The following PTPRE variants were observed in gnomAD, a reference collection of about 807,000 sequenced individuals.
PTPRE encodes the protein protein tyrosine phosphatase receptor type E, also known as receptor-type tyrosine-protein phosphatase epsilon.
A neutral mutation model predicts 102.0 loss-of-function variants in PTPRE; 51 were observed. The observed-to-expected ratio is 0.50, with a 90% CI of 0.40 to 0.63. The LOEUF is 0.63. Among genes scored for constraint, PTPRE ranks in the 30% least tolerant of loss-of-function variants. The pLI, the probability that PTPRE is intolerant of heterozygous loss-of-function variation, is 0.00. For synonymous variants in PTPRE, 345 were observed against 348.2 expected (o/e 0.99, Z 0.10); for missense variants, 752 against 915.1 (o/e 0.82, Z 2.30).
intron 17 of PTPRE, 24 bp from the exon 18 acceptor site, chr10:128,076,579 T>C: frequency 6.4e-7 from 1 of 1,555,952 alleles, no homozygotes; most frequent in Middle Eastern, 1.7e-4. Flanking sequence ...TTACAAGACT[T>C]AAATTTTTAT....
At chr10:128,045,504 T>C (rs1008963838) in intron 3 of PTPRE, among the ~76,000 whole-genome samples, 7 of 152,274 alleles carry the variant, frequency 4.6e-5, no homozygotes, top group Non-Finnish European at 8.8e-5. Context: ...AGGGCAGATG[T>C]ACCTGGGTAC....
chr10:127,918,619 TG>T (rs1273727665), intron 1 of PTPRE, among the ~76,000 whole-genome samples: 3 of 151,370 alleles, frequency 2.0e-5, no homozygotes, highest in Admixed American at 6.6e-5. Flanking sequence ...TGAAGGAGCT[TG>T]GGGAAAAGGC....
At position 128,062,276 on chromosome 10, in the gene PTPRE, T is replaced by C. The variant is rs1327419150; in HGVS notation, c.625+561T>C. Reference sequence around the variant, plus strand: ...CTTAGGCCAGGAGTCTTTAGGGCAATGAGCTCTGAAAGTCAGCGTCCATCA... The same window carrying C: ...CTTAGGCCAGGAGTCTTTAGGGCAACGAGCTCTGAAAGTCAGCGTCCATCA... On this transcript the variant is annotated intron_variant, in intron 9 of 20. Coordinates refer to ENST00000254667, the MANE Select transcript of PTPRE (RefSeq NM_006504.6). 2.0e-5 allele frequency among the ~76,000 whole-genome samples: 3 copies of C among 152,302 alleles called. No individual in the cohort carries two copies. In the East Asian group the frequency reaches 5.8e-4, roughly 29 times the overall value.
rs1845609300 is a variant in PTPRE, at chr10:127,907,997, GACC to G, written c.-31+690_-31+692del. Among the ~76,000 whole-genome samples the G allele has an allele frequency of 6.6e-6, 1 of 152,212 alleles. No individual in the cohort carries two copies. Among genetic ancestry groups the G allele is most frequent in the Non-Finnish European group, 1.5e-5 (1 of 68,046 alleles). On this transcript the variant is annotated intron_variant, in intron 1 of 20. Coordinates refer to ENST00000254667, the MANE Select transcript of PTPRE (RefSeq NM_006504.6). This position sits in a 1 kb window ranked among gnomAD's most constrained non-coding sequence, Gnocchi z 4.8. Reference sequence around the variant, plus strand: ...CGGTGCCAATTCTGAGAGCTCCCGGGACCATCTGGGGAAGGCCGGGCAACCCAC... The same window carrying G: ...CGGTGCCAATTCTGAGAGCTCCCGGGATCTGGGGAAGGCCGGGCAACCCAC...
intron 17 of PTPRE, among the ~76,000 whole-genome samples, chr10:128,074,251 A>G (rs1386944038): frequency 6.6e-6 from 1 of 152,268 alleles, no homozygotes; most frequent in African/African-American, 2.4e-5. Context: ...TGTAGCATGA[A>G]TCAGTAAATC....
rs1158123830 is a variant in PTPRE, at chr10:127,907,423, T to G, written c.-31+114T>G. The G allele has an allele frequency of 1.3e-6, 1 of 782,900 alleles. No individual in the cohort carries two copies. The highest frequency in any genetic ancestry group is 1.5e-6 in the Non-Finnish European group (1 of 647,026). The allele number at this position is 782,900 out of a possible 1,614,324, so 48.5% of individuals were successfully genotyped here. ...CGCTGCCGCGGGAGGGAGGGGCCGC[T>G]CCGGGGCTCAGAGTCCGGACCCCGG... is the stretch of plus-strand genomic sequence containing the variant. On this transcript the variant is annotated intron_variant, in intron 1 of 20. Transcript: ENST00000254667. The surrounding 1 kb of genome is among the most constrained non-coding windows in gnomAD (Gnocchi z 4.8).
At chr10:128,068,313 A>G (rs754828611) in intron 12 of PTPRE, 27 bp downstream of exon 12, 8 of 1,598,046 alleles carry the variant, frequency 5.0e-6, no homozygotes, top group Non-Finnish European at 6.8e-6. Flanking sequence ...ACGGGGCGGG[A>G]CCCTCAAGGG....
At chr10:127,987,117 C>T (rs902381791) in intron 2 of PTPRE, among the ~76,000 whole-genome samples, 1 of 152,212 alleles carries the variant, frequency 6.6e-6, no homozygotes, top group Non-Finnish European at 1.5e-5. Flanking sequence ...CTCCCTCCCC[C>T]CGGAAAGTTT....
At chr10:128,046,794 C>T (rs368974156) in intron 3 of PTPRE, among the ~76,000 whole-genome samples, 2 of 152,270 alleles carry the variant, frequency 1.3e-5, no homozygotes, top group African/African-American at 2.4e-5. Flanking sequence ...GGGTCTCTTT[C>T]TGGGTGAGGA....
At chr10:128,005,135 A>G (rs996357238) in intron 2 of PTPRE, among the ~76,000 whole-genome samples, 1 of 152,258 alleles carries the variant, frequency 6.6e-6, no homozygotes, top group Non-Finnish European at 1.5e-5. Context: ...TCTGGCTACT[A>G]CGTCCTTACG....
rs112009577 is a variant in PTPRE, at chr10:127,953,400, C to G, written c.-30-28874C>G. ...TTGAGAGACAACTCTTGGCCTGCTG[C>G]TATATCTTAGTAGAAATGAAACACT... On this transcript the variant is annotated intron_variant, in intron 1 of 20. Transcript: ENST00000254667. 6.6e-3 allele frequency among the ~76,000 whole-genome samples: 1,003 copies of G among 152,338 alleles called. 10 individuals are homozygous for G. The highest frequency in any genetic ancestry group is 0.022 in the African/African-American group (931 of 41,562).
At chr10:127,989,507 C>A (rs1419997633) in intron 2 of PTPRE, among the ~76,000 whole-genome samples, 1 of 152,162 alleles carries the variant, frequency 6.6e-6, no homozygotes, top group Non-Finnish European at 1.5e-5. Context: ...AAAACAGAGA[C>A]CCAGGCAGGC....
chr10:128,038,990 C>A (rs1177924884), intron 2 of PTPRE, among the ~76,000 whole-genome samples: 1 of 152,118 alleles, frequency 6.6e-6, no homozygotes, highest in African/African-American at 2.4e-5. Flanking sequence ...TCAAGGGTGT[C>A]GGCCTCCTCT....
chr10:128,017,322 A>G (rs1845517625), intron 2 of PTPRE, among the ~76,000 whole-genome samples: 1 of 152,136 alleles, frequency 6.6e-6, no homozygotes, highest in Non-Finnish European at 1.5e-5. Flanking sequence ...ATTGGAGGTA[A>G]GAGGCCTGGC....
intron 2 of PTPRE, among the ~76,000 whole-genome samples, chr10:127,993,275 C>T (rs983186752): frequency 7.9e-5 from 12 of 152,196 alleles, no homozygotes; most frequent in African/African-American, 2.7e-4. Context: ...AAGTCAAGTT[C>T]GGAGAATGGC....
At chr10:128,071,106 T>C (rs1334992073) in intron 15 of PTPRE, 2 of 584,992 alleles carry the variant, frequency 3.4e-6, no homozygotes, top group South Asian at 4.2e-5. Flanking sequence ...ACCCAGACAG[T>C]CCTGCATGGG....
intron 2 of PTPRE, 68 bp from the exon 3 acceptor site, chr10:128,040,807 T>C: frequency 8.0e-7 from 1 of 1,251,228 alleles, no homozygotes; most frequent in Non-Finnish European, 1.2e-6. Context: ...TCATCATCAC[T>C]GCCTGGCACC....
rs375658210 is a variant in PTPRE at position 128,069,954 on chromosome 10, C to T, written c.1143+127C>T. 6.9e-6 allele frequency: 10 copies of T among 1,439,090 alleles called. No homozygotes were observed. The South Asian group carries it at 1.0e-4, about 14-fold the overall frequency. The allele number at this position is 1,439,090 out of a possible 1,614,324, so 89.1% of individuals were successfully genotyped here. Reference sequence around the variant, plus strand: ...AACCAGCCTGGGCCTGGCCTGGCTTCGCTCCCCATAGCCTTCCCTGCCCAC... The same window carrying T: ...AACCAGCCTGGGCCTGGCCTGGCTTTGCTCCCCATAGCCTTCCCTGCCCAC... On this transcript the variant is annotated intron_variant, in intron 13 of 20. Transcript: ENST00000254667.
intron 6 of PTPRE, among the ~76,000 whole-genome samples, chr10:128,054,316 C>T (rs1848782748): frequency 6.6e-6 from 1 of 152,088 alleles, no homozygotes; most frequent in African/African-American, 2.4e-5. Context: ...GTATCATGTA[C>T]CCACCATCCG....
Sources: allele counts gnomAD v4.1 joint callset (sites outside exome capture counted in the v4.1 genomes callset), GRCh38; gene constraint gnomAD v4.1.1; non-coding constraint Gnocchi (gnomAD v3.1); transcripts MANE v1.5; gene names NCBI Gene and HGNC (gene_info 2026-07-23, HGNC 2026-07-21).